PHACTR4: variants seen among roughly 807,000 people sequenced by gnomAD.
PHACTR4 encodes the protein phosphatase and actin regulator 4.
Under a neutral mutation model 72.7 loss-of-function variants are expected in PHACTR4, and 51 were observed. The ratio of observed to expected loss-of-function variants is 0.70; its 90% CI spans 0.56 to 0.89. The LOEUF (loss-of-function observed/expected upper bound fraction) is 0.89, where lower values mean the gene tolerates loss of function less well. Among genes scored for constraint, PHACTR4 ranks in the 40% least tolerant of loss-of-function variants. The pLI, the probability that PHACTR4 is intolerant of heterozygous loss-of-function variation, is 0.00. For synonymous variants in PHACTR4, 255 were observed against 302.5 expected (o/e 0.84, Z 1.63); for missense variants, 731 against 861.8 (o/e 0.85, Z 1.90).
chr1:28,395,419 T>C lies in PHACTR4; in HGVS notation c.-38-11991T>C, dbSNP rs193057327. ...CACTAGTGTTATTTTCTGGGATAAT[T>C]TGGATTAGCACGCAATGCTTTTGCT... On this transcript the variant is annotated intron_variant, in intron 1 of 13. Transcript: ENST00000373839. 3.9e-3 allele frequency among the ~76,000 whole-genome samples: 591 copies of C among 152,268 alleles called. 4 individuals are homozygous for C. Among genetic ancestry groups the C allele is most frequent in the African/African-American group, 0.013 (544 of 41,558 alleles).
At chr1:28,476,068 C>T in intron 7 of PHACTR4, 39 bp from the exon 8 acceptor site, 1 of 1,552,202 alleles carries the variant, frequency 6.4e-7, no homozygotes, top group Non-Finnish European at 8.7e-7. Context: ...TTATCCTCTT[C>T]ATTTCTAAAA....
intron 1 of PHACTR4, among the ~76,000 whole-genome samples, chr1:28,401,525 T>G (rs2124251534): frequency 6.6e-6 from 1 of 152,210 alleles, no homozygotes; most frequent in South Asian, 2.1e-4. Flanking sequence ...CAGGCTGGTT[T>G]TGAACTCCTG....
intron 1 of PHACTR4, among the ~76,000 whole-genome samples, chr1:28,394,171 A>G (rs1484641244): frequency 1.3e-5 from 2 of 151,480 alleles, no homozygotes; most frequent in African/African-American, 4.9e-5. Context: ...GAAGACAGTG[A>G]TATTCTTGAT....
At chr1:28,428,857 A>T (rs1166959578) in intron 2 of PHACTR4, among the ~76,000 whole-genome samples, 1 of 152,240 alleles carries the variant, frequency 6.6e-6, no homozygotes, top group Admixed American at 6.5e-5. Flanking sequence ...CTCTATGAGC[A>T]GTTTTCTTCA....
At chr1:28,459,053 G>T (rs1325327740) in intron 2 of PHACTR4, 32 bp from the exon 3 acceptor site, 1 of 1,556,344 alleles carries the variant, frequency 6.4e-7, no homozygotes, top group Non-Finnish European at 8.7e-7. Context: ...TAATACATTT[G>T]CTTCCTTCCC....
At chr1:28,381,099 C>T (rs1350992096) in intron 1 of PHACTR4, among the ~76,000 whole-genome samples, 4 of 150,684 alleles carry the variant, frequency 2.7e-5, no homozygotes. Flanking sequence ...GCCTCTGCCT[C>T]CCGGGTTCAA....
intron 2 of PHACTR4, among the ~76,000 whole-genome samples, chr1:28,456,774 A>T (rs117065382): frequency 1.3e-5 from 2 of 152,062 alleles, no homozygotes; most frequent in East Asian, 3.9e-4. Context: ...CTGTAATCTC[A>T]GCTACTCAGG....
intron 2 of PHACTR4, among the ~76,000 whole-genome samples, chr1:28,422,810 CAG>C (rs1655590799): frequency 6.6e-6 from 1 of 152,080 alleles, no homozygotes; most frequent in Non-Finnish European, 1.5e-5. Context: ...TTTTTTGAGA[CAG>C]AGTCTCACTC....
rs186983665 is a variant in PHACTR4, at chr1:28,420,696, C to A, written c.16+13233C>A. On this transcript the variant is annotated intron_variant, in intron 2 of 13. Coordinates refer to ENST00000373839, the MANE Select transcript of PHACTR4 (RefSeq NM_001048183.3). ...CTAAAGGAGTTATTTACAATAACAA[C>A]CCAAATTATAAAATACCTAGGAGTG... is the stretch of plus-strand genomic sequence containing the variant. Among the ~76,000 whole-genome samples, 904 of 152,068 alleles carry A rather than the reference C, an allele frequency of 5.9e-3. 4 individuals are homozygous for A. The highest frequency in any genetic ancestry group is 8.1e-3 in the Non-Finnish European group (554 of 67,994).
intron 1 of PHACTR4, among the ~76,000 whole-genome samples, chr1:28,372,254 C>G (rs776216525): frequency 6.6e-6 from 1 of 152,090 alleles, no homozygotes; most frequent in Non-Finnish European, 1.5e-5. Context: ...TGTTTCAAGT[C>G]TCTGGGATGA....
At chr1:28,494,617 G>A (rs531206249) in intron 13 of PHACTR4, among the ~76,000 whole-genome samples, 56 of 152,310 alleles carry the variant, frequency 3.7e-4, no homozygotes, top group East Asian at 9.7e-4. Context: ...GCGCAACTGC[G>A]CTCCAACCTG....
chr1:28,480,456 C>G lies in PHACTR4; in HGVS notation c.1612C>G (p.Leu538Val). ...EDEDESYQSALANKVKRKDTL... is the reference protein window; with the variant it reads ...EDEDESYQSAVANKVKRKDTL... ...TTTCTTCCCCGTGTGCAAAGGTGCT[C>G]TCGCCAACAAAGTGAAGAGGAAAGA... The change falls in exon 9 of 14, where the codon CTC becomes GTC. Residue 538 changes from leucine (L) to valine (V), a missense_variant. This residue lies in a region of PHACTR4 where 621 missense variants were observed against 676.6 expected (regional missense o/e 0.92). Transcript: ENST00000373839. 1 of 1,613,910 alleles carries G rather than the reference C, an allele frequency of 6.2e-7. No homozygotes were observed. The highest frequency in any genetic ancestry group is 8.5e-7 in the Non-Finnish European group (1 of 1,179,908).
chr1:28,468,078 T>A (rs1254339537), intron 6 of PHACTR4, among the ~76,000 whole-genome samples: 1 of 152,152 alleles, frequency 6.6e-6, no homozygotes, highest in Non-Finnish European at 1.5e-5. Flanking sequence ...AAAAACAGGC[T>A]TAGAATATTT....
At chr1:28,426,784 G>T (rs1382436750) in intron 2 of PHACTR4, among the ~76,000 whole-genome samples, 1 of 150,652 alleles carries the variant, frequency 6.6e-6, no homozygotes, top group African/African-American at 2.5e-5. Context: ...CTGGGCTCAA[G>T]CAATCCTCCC....
At chr1:28,447,309 G>A (rs964277257) in intron 2 of PHACTR4, among the ~76,000 whole-genome samples, 22 of 152,218 alleles carry the variant, frequency 1.4e-4, no homozygotes, top group Admixed American at 4.6e-4. Context: ...ACTGTACCTG[G>A]CCTCAGGTAA....
At position 28,496,849 on chromosome 1, in the gene PHACTR4, G is replaced by A; in HGVS notation, c.*300G>A. 2 of 492,236 alleles carry A rather than the reference G, an allele frequency of 4.1e-6. No homozygotes were observed. The highest frequency in any genetic ancestry group is 3.8e-5 in the East Asian group (1 of 26,352). The allele number at this position is 492,236 out of a possible 1,614,324, so 30.5% of individuals were successfully genotyped here. A position where few individuals can be genotyped will look rare whatever the true frequency, so the allele number is the denominator to read the frequency against. On this transcript the variant is annotated 3_prime_UTR_variant, in exon 14 of 14. Coordinates refer to ENST00000373839, the MANE Select transcript of PHACTR4 (RefSeq NM_001048183.3). ...CACTTGCAGGTTCCAGGTTTTACTG[G>A]CTGCACCACACCCCTTCCCCTAGAT...
intron 1 of PHACTR4, among the ~76,000 whole-genome samples, chr1:28,377,007 G>T (rs981028978): frequency 1.3e-5 from 2 of 151,030 alleles, no homozygotes; most frequent in African/African-American, 4.9e-5. Flanking sequence ...TCAGCTTACT[G>T]CAACCTCTGC....
intron 12 of PHACTR4, among the ~76,000 whole-genome samples, chr1:28,492,136 G>A (rs746997344): frequency 2.0e-5 from 3 of 152,106 alleles, no homozygotes; most frequent in Non-Finnish European, 4.4e-5. Context: ...TTATAATGCT[G>A]TGAAAAACTA....
intron 2 of PHACTR4, among the ~76,000 whole-genome samples, chr1:28,447,079 C>T (rs1657532808): frequency 6.6e-6 from 1 of 151,870 alleles, no homozygotes; most frequent in South Asian, 2.1e-4. Context: ...GGTGCGATCT[C>T]AGCTCACTGC....
Sources: allele counts gnomAD v4.1 joint callset (sites outside exome capture counted in the v4.1 genomes callset), GRCh38; gene constraint gnomAD v4.1.1; regional missense constraint gnomAD v4.1.1; transcripts MANE v1.5; gene names NCBI Gene and HGNC (gene_info 2026-07-23, HGNC 2026-07-21).